The following DPP10 variants were observed in gnomAD, a reference collection of about 807,000 sequenced individuals.
The protein encoded by DPP10 is inactive dipeptidyl peptidase 10.
DPP10 carries 33 observed loss-of-function variants against 120.9 expected under a neutral mutation model. That is an observed-to-expected ratio of 0.27 (90% CI 0.21 to 0.37). DPP10 has a LOEUF of 0.37. DPP10 is among the 10% of genes least tolerant of loss of function. The pLI, the probability that DPP10 is intolerant of heterozygous loss-of-function variation, is 1.00. For missense variants in DPP10, 816 were observed against 942.8 expected, an observed-to-expected ratio of 0.87 and a Z score of 1.76; for synonymous variants, 337 against 326.1, an observed-to-expected ratio of 1.03 and a Z score of -0.36.
chr2:115,473,454 C>T (rs1004628889), intron 3 of DPP10, among the ~76,000 whole-genome samples: 4 of 152,116 alleles, frequency 2.6e-5, no homozygotes, highest in Admixed American at 6.6e-5. Flanking sequence ...GACTCAGAAC[C>T]AGATGCAAGC....
intron 11 of DPP10, 30 bp from the exon 12 acceptor site, chr2:115,762,542 T>G: frequency 1.2e-6 from 2 of 1,613,114 alleles, no homozygotes; most frequent in Non-Finnish European, 1.7e-6. Flanking sequence ...GGTCTTTAGA[T>G]GCTTCATGGA....
intron 1 of DPP10, among the ~76,000 whole-genome samples, chr2:115,046,019 T>A (rs998608925): frequency 4.6e-5 from 7 of 151,670 alleles, no homozygotes; most frequent in Admixed American, 3.9e-4. Flanking sequence ...TCTGTGTGTG[T>A]GTGTGTGTGT....
intron 1 of DPP10, among the ~76,000 whole-genome samples, chr2:114,525,100 G>A (rs1685391373): frequency 6.6e-6 from 1 of 152,094 alleles, no homozygotes; most frequent in Admixed American, 6.6e-5. Context: ...TCTCCTTAGA[G>A]GTTTAACTCA....
intron 3 of DPP10, among the ~76,000 whole-genome samples, chr2:115,412,124 TACTC>T (rs2068997616): frequency 6.6e-6 from 1 of 150,856 alleles, no homozygotes; most frequent in Non-Finnish European, 1.5e-5. Context: ...TAAAAAAACT[TACTC>T]TAACTTCCAG....
At chr2:115,334,228 C>CTTTTTTTTTTTTTTTTTTTTTTTTT (rs1393213758) in intron 2 of DPP10, among the ~76,000 whole-genome samples, 18 of 22,298 alleles carry the variant, frequency 8.1e-4, no homozygotes, top group Non-Finnish European at 2.1e-3. Context: ...AGAGCAGACT[C>CTTTTTTTTTTTTTTTTTTTTTTTTT]TGTTTTTTTT....
intron 5 of DPP10, among the ~76,000 whole-genome samples, chr2:115,656,285 C>A (rs989816447): frequency 6.6e-6 from 1 of 151,362 alleles, no homozygotes; most frequent in Non-Finnish European, 1.5e-5. Context: ...ATCAATAAAG[C>A]TAAATAATAC....
chr2:115,263,929 G>T (rs929973458), intron 1 of DPP10, among the ~76,000 whole-genome samples: 2 of 151,898 alleles, frequency 1.3e-5, no homozygotes, highest in Non-Finnish European at 2.9e-5. Flanking sequence ...AATAGATTTT[G>T]TATGTTTGAA....
At chr2:114,474,156 C>T (rs1448209795) in intron 1 of DPP10, among the ~76,000 whole-genome samples, 2 of 152,130 alleles carry the variant, frequency 1.3e-5, no homozygotes, top group Non-Finnish European at 2.9e-5. Context: ...ATAGTTTGCA[C>T]CATGTTAGAC....
chr2:115,355,322 CT>C (rs1230804352), intron 3 of DPP10, among the ~76,000 whole-genome samples: 4 of 151,162 alleles, frequency 2.6e-5, no homozygotes, highest in Non-Finnish European at 5.9e-5. Context: ...TAATGTTGAC[CT>C]TTTTTTCATA....
At chr2:115,506,748 A>G (rs930322379) in intron 4 of DPP10, among the ~76,000 whole-genome samples, 2 of 152,134 alleles carry the variant, frequency 1.3e-5, no homozygotes, top group African/African-American at 4.8e-5. Context: ...TGATCTATCT[A>G]TATCTATCAA....
chr2:114,787,616 T>G (rs919273779), intron 1 of DPP10, among the ~76,000 whole-genome samples: 25 of 152,316 alleles, frequency 1.6e-4, no homozygotes, highest in African/African-American at 6.0e-4. Context: ...AACTCAGCTT[T>G]GCTGTTCAGC....
intron 5 of DPP10, among the ~76,000 whole-genome samples, chr2:115,641,590 T>C (rs2086784957): frequency 6.6e-6 from 1 of 152,206 alleles, no homozygotes; most frequent in African/African-American, 2.4e-5. Flanking sequence ...TCTGAAGTTA[T>C]CTACTTATGA....
intron 2 of DPP10, among the ~76,000 whole-genome samples, chr2:115,341,087 G>T (rs1157460427): frequency 6.6e-6 from 1 of 151,958 alleles, no homozygotes; most frequent in Non-Finnish European, 1.5e-5. Context: ...TAGCTCATCT[G>T]ATTAAAATCC....
intron 5 of DPP10, among the ~76,000 whole-genome samples, chr2:115,646,231 G>A (rs991450862): frequency 1.3e-5 from 2 of 152,032 alleles, no homozygotes; most frequent in Non-Finnish European, 2.9e-5. Context: ...CTTCTACCTG[G>A]CAGTGATGGA....
chr2:115,618,642 A>C (rs570688161), intron 5 of DPP10, among the ~76,000 whole-genome samples: 1 of 152,290 alleles, frequency 6.6e-6, no homozygotes, highest in East Asian at 1.9e-4. Flanking sequence ...TGGTTTATCT[A>C]CACATACAAA....
chr2:115,602,388 C>T (rs1167291222), intron 5 of DPP10, among the ~76,000 whole-genome samples: 1 of 152,152 alleles, frequency 6.6e-6, no homozygotes, highest in Admixed American at 6.5e-5. Flanking sequence ...CTTTTAAAGA[C>T]CTTACAATCA....
chr2:115,517,573 T>C (rs537178849), intron 4 of DPP10, among the ~76,000 whole-genome samples: 2 of 152,304 alleles, frequency 1.3e-5, no homozygotes, highest in African/African-American at 2.4e-5. Context: ...CTACAAGATA[T>C]TCTATTTATG....
At chr2:115,382,038 C>G (rs949630525) in intron 3 of DPP10, among the ~76,000 whole-genome samples, 1 of 152,310 alleles carries the variant, frequency 6.6e-6, no homozygotes, top group Admixed American at 6.5e-5. Context: ...GAGGTGGAGC[C>G]TACAGAGGCA....
At chr2:115,521,605 A>ATTTTTTTTTTT (rs79361161) in intron 4 of DPP10, among the ~76,000 whole-genome samples, 1 of 143,556 alleles carries the variant, frequency 7.0e-6, no homozygotes, top group Non-Finnish European at 1.5e-5. Flanking sequence ...TCTAATCCTT[A>ATTTTTTTTTTT]TTTTTTTTTT....
Sources: allele counts gnomAD v4.1 joint callset (sites outside exome capture counted in the v4.1 genomes callset), GRCh38; gene constraint gnomAD v4.1.1; transcripts MANE v1.5; gene names NCBI Gene and HGNC (gene_info 2026-07-23, HGNC 2026-07-21).